NUDCD3: variants seen among roughly 807,000 people sequenced by gnomAD.
NUDCD3 encodes NudC domain containing 3, also known as nudC domain-containing protein 3.
Under a neutral mutation model 39.7 loss-of-function variants are expected in NUDCD3, and 13 were observed. The observed-to-expected ratio is 0.33, with a 90% CI of 0.21 to 0.52. The LOEUF (loss-of-function observed/expected upper bound fraction) is 0.52. Ranked by LOEUF, NUDCD3 falls within the 20% of genes least tolerant of loss-of-function variation. The pLI, the probability that NUDCD3 is intolerant of heterozygous loss-of-function variation, is 0.96. For synonymous variants in NUDCD3, 175 were observed against 172.4 expected (o/e 1.02, Z -0.12); for missense variants, 453 against 458.1 (o/e 0.99, Z 0.10).
chr7:44,416,231 G>A lies in NUDCD3; in HGVS notation c.642+11340C>T, dbSNP rs549465162. ...CCCAAGTAGCTAGGACTACAGCAGC[G>A]TGCCACCATCCCCAGCTAAATTTTT... On this transcript the variant is annotated intron_variant, in intron 3 of 5. Transcript: ENST00000355451. 3.9e-5 allele frequency among the ~76,000 whole-genome samples: 6 copies of A among 152,176 alleles called. No individual in the cohort carries two copies. In the South Asian group the frequency reaches 6.2e-4, roughly 16 times the overall value.
chr7:44,463,354 CA>C (rs1800054865), intron 2 of NUDCD3, among the ~76,000 whole-genome samples: 1 of 152,174 alleles, frequency 6.6e-6, no homozygotes, highest in Non-Finnish European at 1.5e-5. Context: ...CCACAGAGGG[CA>C]CGGAGCCTGC....
chr7:44,431,820 G>A (rs1049832174), intron 2 of NUDCD3, among the ~76,000 whole-genome samples: 19 of 151,826 alleles, frequency 1.3e-4, no homozygotes, highest in African/African-American at 4.4e-4. Flanking sequence ...TTACAGGTGC[G>A]CACCACCACT....
chr7:44,393,256 T>C (rs1798553758), intron 4 of NUDCD3, among the ~76,000 whole-genome samples: 1 of 152,156 alleles, frequency 6.6e-6, no homozygotes, highest in African/African-American at 2.4e-5. Context: ...AGACATCCCT[T>C]GGTCAAAGGA....
rs1798321844 is a variant in NUDCD3 at position 44,382,487 on chromosome 7, C to A, written c.*3524G>T. On this transcript the variant is annotated 3_prime_UTR_variant, in exon 6 of 6. Transcript: ENST00000355451. ...CAGGGGAAGCCCCAGGGCTTTGTGA[C>A]CCTGTCCCTATGGGGCACCCTGGCG... is the stretch of plus-strand genomic sequence containing the variant. 2 of 152,190 alleles carry A rather than the reference C, an allele frequency of 1.3e-5. No homozygotes were observed. Among genetic ancestry groups the A allele is most frequent in the South Asian group, 4.1e-4 (2 of 4,834 alleles). The allele number at this position is 152,190 out of a possible 1,614,324, so 9.4% of individuals were successfully genotyped here. A position where few individuals can be genotyped will look rare whatever the true frequency, so the allele number is the denominator to read the frequency against.
intron 2 of NUDCD3, among the ~76,000 whole-genome samples, chr7:44,458,793 C>T (rs1283446030): frequency 6.6e-6 from 1 of 152,050 alleles, no homozygotes; most frequent in Non-Finnish European, 1.5e-5. Flanking sequence ...TTTTTAAAAC[C>T]GTACATGTGT....
chr7:44,391,531 TGTTTACAGAA>T (rs1407904914), intron 5 of NUDCD3, among the ~76,000 whole-genome samples: 2 of 152,182 alleles, frequency 1.3e-5, no homozygotes, highest in African/African-American at 2.4e-5. Flanking sequence ...AGGCGGTCCG[TGTTTACAGAA>T]CAAAAATAAG....
intron 4 of NUDCD3, among the ~76,000 whole-genome samples, chr7:44,395,880 T>C (rs888415537): frequency 3.3e-5 from 5 of 152,240 alleles, no homozygotes; most frequent in Non-Finnish European, 4.4e-5. Flanking sequence ...GCTATGAACA[T>C]TGATGTACAT....
intron 2 of NUDCD3, among the ~76,000 whole-genome samples, chr7:44,461,901 G>A (rs1320025490): frequency 1.3e-5 from 2 of 152,090 alleles, no homozygotes; most frequent in Non-Finnish European, 2.9e-5. Flanking sequence ...GAGGTGGACC[G>A]TGTAAAAGCT....
At chr7:44,474,560 C>T (rs1162012071) in intron 2 of NUDCD3, among the ~76,000 whole-genome samples, 5 of 152,188 alleles carry the variant, frequency 3.3e-5, no homozygotes, top group Admixed American at 2.6e-4. Context: ...TCCTCTTCCT[C>T]CTCCCTGACC....
chr7:44,425,408 G>C (rs1489575007), intron 3 of NUDCD3, among the ~76,000 whole-genome samples: 3 of 152,098 alleles, frequency 2.0e-5, no homozygotes, highest in African/African-American at 7.2e-5. Flanking sequence ...TACAGTTTCT[G>C]GCATATATCA....
chr7:44,483,475 C>T lies in NUDCD3; in HGVS notation c.509+1493G>A, dbSNP rs307012. Reference sequence around the variant, plus strand: ...ATAAAAAATATTTTAAAAAGATCTGCAAGGAAATATCAGATGTCTGCCTTC... The same window carrying T: ...ATAAAAAATATTTTAAAAAGATCTGTAAGGAAATATCAGATGTCTGCCTTC... On this transcript the variant is annotated intron_variant, in intron 2 of 5. Transcript: ENST00000355451. Among the ~76,000 whole-genome samples the T allele has an allele frequency of 8.7e-3, 1,319 of 152,278 alleles. 18 individuals carry two copies. Among genetic ancestry groups the T allele is most frequent in the African/African-American group, 0.03 (1,244 of 41,540 alleles).
At chr7:44,458,020 G>T (rs781353310) in intron 2 of NUDCD3, among the ~76,000 whole-genome samples, 3 of 152,124 alleles carry the variant, frequency 2.0e-5, no homozygotes, top group African/African-American at 4.8e-5. Flanking sequence ...CTACACAAAA[G>T]CTTGTATACA....
chr7:44,475,140 C>A (rs924980051), intron 2 of NUDCD3, among the ~76,000 whole-genome samples: 20 of 143,170 alleles, frequency 1.4e-4, no homozygotes, highest in Admixed American at 3.6e-4. Flanking sequence ...GAGACGAAGT[C>A]TCGCTCTGTC....
chr7:44,402,488 T>C (rs1798744046), intron 4 of NUDCD3, among the ~76,000 whole-genome samples: 1 of 152,146 alleles, frequency 6.6e-6, no homozygotes, highest in Admixed American at 6.5e-5. Context: ...TTTATGCAAA[T>C]AGTGTAAAGT....
At chr7:44,428,743 A>G (rs1799290250) in intron 2 of NUDCD3, among the ~76,000 whole-genome samples, 1 of 152,258 alleles carries the variant, frequency 6.6e-6, no homozygotes, top group Admixed American at 6.5e-5. Flanking sequence ...AACAATGCTA[A>G]TAATATAAAC....
chr7:44,452,564 G>A (rs951546941), intron 2 of NUDCD3, among the ~76,000 whole-genome samples: 1 of 152,184 alleles, frequency 6.6e-6, no homozygotes, highest in Non-Finnish European at 1.5e-5. Flanking sequence ...CCAGGAAGCC[G>A]ACAAAGCACA....
At chr7:44,387,175 T>A (rs559307222) in intron 5 of NUDCD3, among the ~76,000 whole-genome samples, 2 of 152,160 alleles carry the variant, frequency 1.3e-5, no homozygotes, top group Non-Finnish European at 2.9e-5. Context: ...TGTTTTTATT[T>A]TTTACAGATA....
At chr7:44,444,196 T>C (rs1799646997) in intron 2 of NUDCD3, among the ~76,000 whole-genome samples, 1 of 152,110 alleles carries the variant, frequency 6.6e-6, no homozygotes, top group Non-Finnish European at 1.5e-5. Context: ...ACTTTAACCT[T>C]CTCATCTCAC....
chr7:44,477,575 C>T (rs1235545721), intron 2 of NUDCD3, among the ~76,000 whole-genome samples: 1 of 152,148 alleles, frequency 6.6e-6, no homozygotes, highest in Non-Finnish European at 1.5e-5. Flanking sequence ...TTGACACTGA[C>T]GGCCCATGCC....
Sources: allele counts gnomAD v4.1 joint callset (sites outside exome capture counted in the v4.1 genomes callset), GRCh38; gene constraint gnomAD v4.1.1; transcripts MANE v1.5; gene names NCBI Gene and HGNC (gene_info 2026-07-23, HGNC 2026-07-21).